Variants in PHF19 observed in about 807,000 individuals in gnomAD.
PHF19 encodes the protein polycomb like 3.
In PHF19, 21 loss-of-function variants were observed where a neutral mutation model predicts 79.8. The observed-to-expected ratio is 0.26, with a 90% CI of 0.19 to 0.38. The LOEUF (loss-of-function observed/expected upper bound fraction) is 0.38, where lower values mean the gene tolerates loss of function less well. Among genes scored for constraint, PHF19 ranks in the 10% least tolerant of loss-of-function variants. PHF19 has a pLI of 1.00. For missense variants in PHF19, 445 were observed against 744.2 expected, an observed-to-expected ratio of 0.60 and a Z score of 4.68; for synonymous variants, 273 against 296.3, an observed-to-expected ratio of 0.92 and a Z score of 0.81.
chr9:120,900,183 C>T, the PHF19 span, among the ~76,000 whole-genome samples: 13 of 152,166 alleles, frequency 8.5e-5, no homozygotes, highest in South Asian at 2.1e-4. Flanking sequence ...GACAGGGTTT[C>T]GCCATGTTGG....
chr9:120,868,699 T>G (rs1200797108), intron 6 of PHF19: 1 of 450,584 alleles, frequency 2.2e-6, no homozygotes, highest in African/African-American at 2.2e-5. Context: ...GCCCTTCCCT[T>G]CAGGGACCGC....
chr9:120,880,489 G>C (rs1019681913), upstream of PHF19, among the ~76,000 whole-genome samples: 1 of 151,652 alleles, frequency 6.6e-6, no homozygotes, highest in African/African-American at 2.4e-5. Context: ...GCGAGACTCC[G>C]TCTCAACAAA....
the PHF19 span, among the ~76,000 whole-genome samples, chr9:120,900,728 AG>A: frequency 6.6e-6 from 1 of 152,118 alleles, no homozygotes; most frequent in Non-Finnish European, 1.5e-5. Flanking sequence ...CACCATGCCC[AG>A]CTAATTTTCA....
Position 120,860,205 on chromosome 9 carries a change from G to C in PHF19, c.1305-20C>G. ...CTGGCACTGAGAGGGGCAAGACCGT[G>C]AGCCTGCTGGTGGCCCGGCCCAGCA... On this transcript the variant is annotated intron_variant, in intron 13 of 14. Transcript: ENST00000373896. The surrounding 1 kb of genome is among the most constrained non-coding windows in gnomAD (Gnocchi z 4.1). 1.4e-6 allele frequency: 2 copies of C among 1,430,036 alleles called. No individual in the cohort carries two copies. Among genetic ancestry groups the C allele is most frequent in the South Asian group, 2.4e-5 (2 of 82,760 alleles). 88.6% of individuals were successfully genotyped at this position (1,430,036 alleles called of 1,614,324 possible). A position where few individuals can be genotyped will look rare whatever the true frequency, so the allele number is the denominator to read the frequency against.
chr9:120,870,137 T>C lies in PHF19; in HGVS notation c.365-192A>G, dbSNP rs1294227707. ...CCAGGCTGGGAACTAAATGACAGCATTGGCCAGTTGTGGGGTTGGGGGGGA... is the reference window on the plus strand; with the variant it reads ...CCAGGCTGGGAACTAAATGACAGCACTGGCCAGTTGTGGGGTTGGGGGGGA... On this transcript the variant is annotated intron_variant, in intron 4 of 14. Transcript: ENST00000373896. This position sits in a 1 kb window ranked among gnomAD's most constrained non-coding sequence, Gnocchi z 4.4. Among the ~76,000 whole-genome samples, 1 of 151,614 alleles carries C rather than the reference T, an allele frequency of 6.6e-6. No individual in the cohort carries two copies. Among genetic ancestry groups the C allele is most frequent in the Non-Finnish European group, 1.5e-5 (1 of 67,712 alleles).
At chr9:120,880,208 A>G (rs1262322168), upstream of PHF19, among the ~76,000 whole-genome samples, 1 of 152,228 alleles carries the variant, frequency 6.6e-6, no homozygotes, top group Admixed American at 6.5e-5. Flanking sequence ...ACAGCAGTCC[A>G]GATAGGCCAG....
chr9:120,884,643 C>T (rs1342881278), intron 1 of PHF19, among the ~76,000 whole-genome samples: 2 of 151,892 alleles, frequency 1.3e-5, no homozygotes, highest in East Asian at 1.9e-4. Flanking sequence ...CACGGTGGCT[C>T]ACACCTGTAA....
At chr9:120,892,393 C>T (rs951189053) in intron 1 of PHF19, among the ~76,000 whole-genome samples, 27 of 152,218 alleles carry the variant, frequency 1.8e-4, no homozygotes, top group Non-Finnish European at 2.8e-4. Context: ...AGACTTGTGC[C>T]GTACGTGCAA....
At chr9:120,896,716 G>A (rs144250358), upstream of PHF19, among the ~76,000 whole-genome samples, 3,539 of 152,012 alleles carry the variant, frequency 0.023, 131 homozygotes, top group African/African-American at 0.081. Context: ...GCCTCCCAAA[G>A]TGCTGGGATT....
chr9:120,902,510 GT>G, the PHF19 span: 4 of 119,102 alleles, frequency 3.4e-5, 1 homozygote, highest in African/African-American at 1.4e-4. Flanking sequence ...AGGGCGGGGG[GT>G]GGGGGGGGGG....
chr9:120,863,911 T>TTAAAAAA, intron 10 of PHF19, 138 bp downstream of exon 10: 1 of 750,842 alleles, frequency 1.3e-6, no homozygotes, highest in Non-Finnish European at 2.3e-6. Context: ...ACCCCCTGGA[T>TTAAAAAA]CTCGGAGAAT....
the PHF19 span, among the ~76,000 whole-genome samples, chr9:120,901,902 C>T: frequency 6.6e-6 from 1 of 152,210 alleles, no homozygotes; most frequent in Non-Finnish European, 1.5e-5. Flanking sequence ...GTAACACCTC[C>T]TCTGGCTTGG....
the PHF19 span, chr9:120,903,535 AG>A: frequency 6.6e-6 from 1 of 152,624 alleles, no homozygotes; most frequent in Non-Finnish European, 1.5e-5. Context: ...TAACGATTTG[AG>A]CAATGGAGTC....
chr9:120,866,787 A>T lies in PHF19; in HGVS notation c.710+83T>A. ...GACCTCCTCTTGTCTGGAGCCTGGC[A>T]GTCAACCTGCAGGAGTTGTTGCTGC... On this transcript the variant is annotated intron_variant, in intron 7 of 14. Coordinates refer to ENST00000373896, the MANE Select transcript of PHF19 (RefSeq NM_015651.3). This position sits in a 1 kb window ranked among gnomAD's most constrained non-coding sequence, Gnocchi z 5.2. 1.3e-6 allele frequency: 1 copy of T among 773,094 alleles called. No homozygotes were observed. The highest frequency in any genetic ancestry group is 1.4e-5 in the South Asian group (1 of 70,502). The allele number at this position is 773,094 out of a possible 1,614,324, so 47.9% of individuals were successfully genotyped here.
chr9:120,873,219 C>T (rs2045955361), intron 3 of PHF19, among the ~76,000 whole-genome samples: 1 of 152,218 alleles, frequency 6.6e-6, no homozygotes. Context: ...GGTTTCTCCT[C>T]TTATGCCAAC....
intron 1 of PHF19, among the ~76,000 whole-genome samples, chr9:120,884,441 G>C (rs918523647): frequency 1.3e-5 from 2 of 152,128 alleles, no homozygotes; most frequent in Non-Finnish European, 2.9e-5. Flanking sequence ...CTGCTCCCCG[G>C]GAGCCAAGGC....
intron 1 of PHF19, among the ~76,000 whole-genome samples, chr9:120,892,642 G>A (rs1199395153): frequency 6.6e-6 from 1 of 152,126 alleles, no homozygotes; most frequent in Non-Finnish European, 1.5e-5. Context: ...GTCCACACTT[G>A]TATACCTGTC....
intron 6 of PHF19, chr9:120,868,774 G>A: frequency 1.3e-6 from 1 of 749,344 alleles, no homozygotes; most frequent in Non-Finnish European, 1.6e-6. Context: ...TCCCCACCCC[G>A]CCCCTCCACA....
In PHF19 at chr9:120,857,315, G is replaced by A. The variant is rs898165648; in HGVS notation, c.*629C>T. 6.6e-6 allele frequency: 1 copy of A among 152,340 alleles called. No individual in the cohort carries two copies. Among genetic ancestry groups the A allele is most frequent in the Non-Finnish European group, 1.5e-5 (1 of 68,194 alleles). 9.4% of individuals were successfully genotyped at this position (152,340 alleles called of 1,614,324 possible). On this transcript the variant is annotated 3_prime_UTR_variant, in exon 15 of 15. Transcript: ENST00000373896. ...CTGGGCCCTGGTGCTGGTGCCTTCT[G>A]AGGCAGACCCAGCCCTTTACTCTTC... is the stretch of plus-strand genomic sequence containing the variant.
Sources: allele counts gnomAD v4.1 joint callset (sites outside exome capture counted in the v4.1 genomes callset), GRCh38; gene constraint gnomAD v4.1.1; non-coding constraint Gnocchi (gnomAD v3.1); transcripts MANE v1.5; gene names NCBI Gene and HGNC (gene_info 2026-07-23, HGNC 2026-07-21).